GNB1L: variants seen among roughly 807,000 people sequenced by gnomAD.
The protein encoded by GNB1L is guanine nucleotide-binding protein subunit beta-like protein 1.
A neutral mutation model predicts 29.1 loss-of-function variants in GNB1L; 20 were observed. That is an observed-to-expected ratio of 0.69 (90% CI 0.48 to 1.00). The LOEUF (loss-of-function observed/expected upper bound fraction) is 1.00. GNB1L is among the 50% of genes least tolerant of loss of function. The probability of loss-of-function intolerance (pLI) is 0.00; values close to 1 mark genes in which losing one functional copy is unlikely to be tolerated. For missense variants in GNB1L, 421 were observed against 464.9 expected (o/e 0.91, Z 0.87); for synonymous variants, 193 against 206.5 (o/e 0.93, Z 0.56).
intron 2 of GNB1L, among the ~76,000 whole-genome samples, chr22:19,827,806 G>A (rs545524693): frequency 3.9e-5 from 6 of 152,206 alleles, no homozygotes; most frequent in East Asian, 1.9e-4. Context: ...CGTATGACTC[G>A]GCAACCCTAC....
chr22:19,835,005 G>A (rs891384762), intron 2 of GNB1L, among the ~76,000 whole-genome samples: 2 of 152,108 alleles, frequency 1.3e-5, no homozygotes, highest in African/African-American at 4.8e-5. Context: ...TCAGAGTGAG[G>A]AATATTATCA....
intron 7 of GNB1L, among the ~76,000 whole-genome samples, chr22:19,797,868 G>C (rs13053668): frequency 2.0e-5 from 3 of 151,424 alleles, no homozygotes; most frequent in African/African-American, 7.3e-5. Flanking sequence ...CCCTCCCACC[G>C]CGCACTGTAA....
chr22:19,844,658 G>A (rs1011470655), intron 2 of GNB1L, among the ~76,000 whole-genome samples: 2 of 152,226 alleles, frequency 1.3e-5, no homozygotes, highest in Admixed American at 6.5e-5. Flanking sequence ...GGCATCTCAC[G>A]CTGTGGCTGG....
chr22:19,825,371 G>C (rs1937612024), intron 2 of GNB1L, among the ~76,000 whole-genome samples: 2 of 152,220 alleles, frequency 1.3e-5, no homozygotes, highest in African/African-American at 4.8e-5. Flanking sequence ...TATAATCTCA[G>C]CACTTTGGGA....
At chr22:19,797,540 C>A (rs532613157) in intron 7 of GNB1L, among the ~76,000 whole-genome samples, 1 of 152,202 alleles carries the variant, frequency 6.6e-6, no homozygotes, top group African/African-American at 2.4e-5. Context: ...GACCCAGATT[C>A]TTTCCCCAGG....
chr22:19,820,153 G>A (rs1210236553), intron 4 of GNB1L, among the ~76,000 whole-genome samples: 2 of 152,172 alleles, frequency 1.3e-5, no homozygotes, highest in Non-Finnish European at 2.9e-5. Context: ...GCAGTGGGCA[G>A]GGAGGCCCTC....
rs565478033 is a variant in GNB1L, at chr22:19,812,932, G to A, written c.255-485C>T. On this transcript the variant is annotated intron_variant, in intron 4 of 7. Transcript: ENST00000329517. ...ATAACTGTGCAGAAACTGTTCCAGT[G>A]GGTGAATTAGTTTCTCAGAGGGGTG... Among the ~76,000 whole-genome samples the A allele has an allele frequency of 1.2e-4, 19 of 152,320 alleles. No individual in the cohort carries two copies. In the South Asian group the frequency reaches 3.9e-3, roughly 32 times the overall value.
chr22:19,813,738 T>C (rs540472772), intron 4 of GNB1L, among the ~76,000 whole-genome samples: 8 of 152,178 alleles, frequency 5.3e-5, no homozygotes, highest in Admixed American at 1.3e-4. Flanking sequence ...CTCACACCTA[T>C]AATCCCAGCA....
chr22:19,846,984 C>T (rs1483555869), intron 2 of GNB1L: 1 of 985,356 alleles, frequency 1.0e-6, no homozygotes, highest in African/African-American at 1.7e-5. Flanking sequence ...ACCAACCAGC[C>T]CCACGCTGGG....
intron 6 of GNB1L, 71 bp from the exon 7 acceptor site, chr22:19,802,287 C>T: frequency 7.8e-7 from 1 of 1,289,010 alleles, no homozygotes; most frequent in Non-Finnish European, 1.1e-6. Flanking sequence ...GGAGAAGGGG[C>T]TCTGGAAATT....
At chr22:19,807,810 G>T (rs928324317) in intron 5 of GNB1L, among the ~76,000 whole-genome samples, 2 of 152,112 alleles carry the variant, frequency 1.3e-5, no homozygotes, top group Non-Finnish European at 2.9e-5. Context: ...TGCCTCTGTG[G>T]GTGAGAAGCT....
chr22:19,789,085 C>T (rs1937222936), intron 7 of GNB1L, 125 bp from the exon 8 acceptor site: 2 of 1,008,788 alleles, frequency 2.0e-6, no homozygotes, highest in South Asian at 3.1e-5. Context: ...GTGAGGGCCA[C>T]ACGCTCCTAC....
intron 4 of GNB1L, among the ~76,000 whole-genome samples, chr22:19,815,477 G>A (rs1937520743): frequency 6.6e-6 from 1 of 152,224 alleles, no homozygotes; most frequent in African/African-American, 2.4e-5. Flanking sequence ...CATGGGGAGG[G>A]GCCAGGGCCA....
At chr22:19,804,234 A>T (rs1056716294) in intron 6 of GNB1L, among the ~76,000 whole-genome samples, 2 of 152,244 alleles carry the variant, frequency 1.3e-5, no homozygotes, top group Non-Finnish European at 2.9e-5. Context: ...GAGGATCTGA[A>T]GTCTCCTGGA....
intron 2 of GNB1L, among the ~76,000 whole-genome samples, chr22:19,835,049 C>T (rs574387408): frequency 1.3e-5 from 2 of 152,022 alleles, no homozygotes; most frequent in Middle Eastern, 3.2e-3. Flanking sequence ...TAAATGGCAT[C>T]GATTCAGAAA....
chr22:19,813,804 G>A (rs772319686), intron 4 of GNB1L, among the ~76,000 whole-genome samples: 2 of 152,154 alleles, frequency 1.3e-5, no homozygotes, highest in Non-Finnish European at 2.9e-5. Context: ...AGATCAGCCT[G>A]GGCAAAATAG....
intron 6 of GNB1L, among the ~76,000 whole-genome samples, chr22:19,805,947 C>T (rs577736755): frequency 6.6e-5 from 10 of 152,184 alleles, no homozygotes; most frequent in Non-Finnish European, 1.0e-4. Context: ...CAGCCCTGGA[C>T]ATGAGCGGCC....
At chr22:19,792,553 T>C in intron 7 of GNB1L, 4 of 1,568,962 alleles carry the variant, frequency 2.5e-6, no homozygotes, top group Non-Finnish European at 3.5e-6. Context: ...ACCTAGGCCC[T>C]GGACTGCCAA....
intron 4 of GNB1L, among the ~76,000 whole-genome samples, chr22:19,815,913 G>A (rs531237368): frequency 9.2e-5 from 14 of 152,340 alleles, no homozygotes; most frequent in Admixed American, 9.1e-4. Flanking sequence ...TCACAGGACA[G>A]TTGTGAGAAC....
Sources: gnomAD v4.1 joint callset for allele counts (sites outside exome capture counted in the v4.1 genomes callset) on GRCh38, gnomAD v4.1.1 for gene constraint, MANE v1.5 for transcripts, NCBI Gene and HGNC (gene_info 2026-07-23, HGNC 2026-07-21) for gene names.